Variants in CNTNAP2 observed in about 807,000 individuals in gnomAD.
CNTNAP2 encodes contactin-associated protein-like 2.
CNTNAP2 carries 98 observed loss-of-function variants against 155.2 expected under a neutral mutation model. The ratio of observed to expected loss-of-function variants is 0.63; its 90% CI spans 0.54 to 0.75. The LOEUF (loss-of-function observed/expected upper bound fraction) is 0.75. CNTNAP2 is among the 30% of genes least tolerant of loss of function. The probability of loss-of-function intolerance (pLI) is 0.00; values close to 1 mark genes in which losing one functional copy is unlikely to be tolerated. For synonymous variants in CNTNAP2, 651 were observed against 631.2 expected, an observed-to-expected ratio of 1.03 and a Z score of -0.47; for missense variants, 1,727 against 1,688.1, an observed-to-expected ratio of 1.02 and a Z score of -0.40.
intron 9 of CNTNAP2, among the ~76,000 whole-genome samples, chr7:147,370,195 A>G (rs1326080857): frequency 1.3e-5 from 2 of 152,262 alleles, no homozygotes; most frequent in Admixed American, 6.5e-5. Flanking sequence ...AGTCATATGC[A>G]TGATTATATT....
intron 14 of CNTNAP2, among the ~76,000 whole-genome samples, chr7:147,947,545 C>A (rs1800842478): frequency 6.6e-6 from 1 of 151,312 alleles, no homozygotes. Context: ...GGAAGAATTG[C>A]TTAAGCCAGG....
chr7:146,415,861 G>A (rs879396396), intron 1 of CNTNAP2, among the ~76,000 whole-genome samples: 1 of 151,980 alleles, frequency 6.6e-6, no homozygotes, highest in Non-Finnish European at 1.5e-5. Flanking sequence ...TCATTTCTTA[G>A]GAAGTCAATA....
intron 11 of CNTNAP2, among the ~76,000 whole-genome samples, chr7:147,560,715 G>A (rs1800046980): frequency 6.6e-6 from 1 of 151,534 alleles, no homozygotes; most frequent in South Asian, 2.1e-4. Context: ...GTGCAGCATA[G>A]TTCCTCAATA....
chr7:147,566,284 C>T (rs1017126263), intron 12 of CNTNAP2, among the ~76,000 whole-genome samples: 1 of 140,672 alleles, frequency 7.1e-6, no homozygotes, highest in African/African-American at 2.7e-5. Flanking sequence ...TGCCAGAAAC[C>T]CTGCCAAGAA....
chr7:147,536,306 G>A (rs1032202656), intron 11 of CNTNAP2, among the ~76,000 whole-genome samples: 27 of 152,320 alleles, frequency 1.8e-4, no homozygotes, highest in African/African-American at 6.0e-4. Context: ...AGGGTGCTGC[G>A]AATGTGCCAG....
chr7:147,953,176 A>G (rs1254974446), intron 14 of CNTNAP2, among the ~76,000 whole-genome samples: 1 of 152,146 alleles, frequency 6.6e-6, no homozygotes, highest in Non-Finnish European at 1.5e-5. Flanking sequence ...GTTTCATAGG[A>G]AGCATCAGTT....
At chr7:147,291,520 A>G (rs1478950569) in intron 8 of CNTNAP2, among the ~76,000 whole-genome samples, 1 of 151,886 alleles carries the variant, frequency 6.6e-6, no homozygotes, top group Non-Finnish European at 1.5e-5. Context: ...TTATTTAGCA[A>G]TATTTCCTTG....
At chr7:148,297,187 A>AAGAAGGAAGGAAGGAAGGAAGGAAGGAG (rs1797301737) in intron 21 of CNTNAP2, among the ~76,000 whole-genome samples, 1 of 150,418 alleles carries the variant, frequency 6.6e-6, no homozygotes, top group Non-Finnish European at 1.5e-5. Flanking sequence ...GAAGGAAGGA[A>AAGAAGGAAGGAAGGAAGGAAGGAAGGAG]GGAAGGAAGG....
At chr7:147,529,144 T>A (rs1799385016) in intron 11 of CNTNAP2, among the ~76,000 whole-genome samples, 1 of 152,226 alleles carries the variant, frequency 6.6e-6, no homozygotes, top group South Asian at 2.1e-4. Flanking sequence ...ATTCTGAGTT[T>A]AACAGCACCA....
intron 20 of CNTNAP2, among the ~76,000 whole-genome samples, chr7:148,240,462 G>A (rs944128958): frequency 4.6e-5 from 7 of 152,158 alleles, no homozygotes; most frequent in African/African-American, 7.2e-5. Flanking sequence ...GACACAGCAC[G>A]TAACGAGATT....
At chr7:147,116,972 T>C (rs910751714) in intron 5 of CNTNAP2, among the ~76,000 whole-genome samples, 6 of 152,096 alleles carry the variant, frequency 3.9e-5, no homozygotes, top group Non-Finnish European at 7.4e-5. Flanking sequence ...TGTCTGTACC[T>C]CTCCTCGAGG....
In CNTNAP2 at chr7:147,150,975, A is replaced by G. The variant is rs560324873; in HGVS notation, c.1348+18466A>G. On this transcript the variant is annotated intron_variant, in intron 8 of 23. Transcript: ENST00000361727. ...ACCAAGAAACAGAAAGCTCAGAACT[A>G]ACATCGGCTAAGGGGCAGTCTGTGG... 2.6e-5 allele frequency among the ~76,000 whole-genome samples: 4 copies of G among 152,314 alleles called. No homozygotes were observed. In the South Asian group the frequency reaches 8.3e-4, roughly 32 times the overall value.
At chr7:147,920,864 C>T (rs1357209078) in intron 14 of CNTNAP2, among the ~76,000 whole-genome samples, 2 of 134,410 alleles carry the variant, frequency 1.5e-5, no homozygotes, top group Admixed American at 8.5e-5. Flanking sequence ...GGCTGGAGTG[C>T]GGTGGCGTGA....
chr7:146,838,057 A>G (rs1803651439), intron 2 of CNTNAP2, among the ~76,000 whole-genome samples: 1 of 152,162 alleles, frequency 6.6e-6, no homozygotes, highest in Admixed American at 6.5e-5. Context: ...CACTTTACAC[A>G]GCTGTGCCCT....
chr7:146,972,220 A>G (rs1272052301), intron 3 of CNTNAP2, among the ~76,000 whole-genome samples: 1 of 152,196 alleles, frequency 6.6e-6, no homozygotes, highest in East Asian at 1.9e-4. Context: ...GATTTTATCA[A>G]TCTTTAATAA....
At chr7:148,284,842 T>C (rs1316226398) in intron 21 of CNTNAP2, among the ~76,000 whole-genome samples, 1 of 152,188 alleles carries the variant, frequency 6.6e-6, no homozygotes, top group African/African-American at 2.4e-5. Context: ...GTTTGAATGC[T>C]CTGAAGAACA....
intron 14 of CNTNAP2, among the ~76,000 whole-genome samples, chr7:147,954,535 A>G (rs1368678752): frequency 6.6e-6 from 1 of 152,118 alleles, no homozygotes; most frequent in Non-Finnish European, 1.5e-5. Context: ...TTTGTAAGTT[A>G]CTGAACATTG....
chr7:147,500,556 C>T (rs1798791649), intron 11 of CNTNAP2, among the ~76,000 whole-genome samples: 1 of 152,124 alleles, frequency 6.6e-6, no homozygotes, highest in African/African-American at 2.4e-5. Context: ...TATCCCACTG[C>T]TTAGTGCTTG....
intron 13 of CNTNAP2, among the ~76,000 whole-genome samples, chr7:147,731,048 A>G (rs1340030631): frequency 1.3e-5 from 2 of 152,136 alleles, no homozygotes; most frequent in East Asian, 1.9e-4. Context: ...TGAAGCTAGC[A>G]GAGTTGGTTC....
Sources: allele counts gnomAD v4.1 joint callset (sites outside exome capture counted in the v4.1 genomes callset), GRCh38; gene constraint gnomAD v4.1.1; transcripts MANE v1.5; gene names NCBI Gene and HGNC (gene_info 2026-07-23, HGNC 2026-07-21).